LCORL: variants seen among roughly 807,000 people sequenced by gnomAD.
LCORL encodes ligand-dependent nuclear receptor corepressor-like protein.
A neutral mutation model predicts 141.8 loss-of-function variants in LCORL; 41 were observed. The observed-to-expected ratio is 0.29, with a 90% confidence interval of 0.23 to 0.38. The LOEUF (loss-of-function observed/expected upper bound fraction) is 0.38, where lower values mean the gene tolerates loss of function less well. LCORL is among the 10% of genes least tolerant of loss of function. The pLI is 1.00. For synonymous variants in LCORL, 618 were observed against 694.1 expected (o/e 0.89, Z 1.72); for missense variants, 1,759 against 2,035.0 (o/e 0.86, Z 2.61).
At chr4:17,882,846 C>T (rs1727757110) in intron 6 of LCORL, 1 of 983,732 alleles carries the variant, frequency 1.0e-6, no homozygotes. Flanking sequence ...TTTTTCTGTG[C>T]ACATTATAAA....
In LCORL at chr4:17,952,389, C is replaced by A. The variant is rs1036989659; in HGVS notation, c.430+9514G>T. On this transcript the variant is annotated intron_variant, in intron 4 of 7. Coordinates refer to ENST00000635767, the Ensembl canonical transcript of LCORL. Reference sequence around the variant, plus strand: ...AAATTATATAAAGATAAATAAAAAACCCATTTTCTTTCCCCTCAAAAACAA... The same window carrying A: ...AAATTATATAAAGATAAATAAAAAAACCATTTTCTTTCCCCTCAAAAACAA... 2.6e-5 allele frequency among the ~76,000 whole-genome samples: 4 copies of A among 151,700 alleles called. No homozygotes were observed. In the South Asian group the frequency reaches 6.3e-4, roughly 24 times the overall value.
intron 4 of LCORL, among the ~76,000 whole-genome samples, chr4:17,942,282 T>C (rs764763212): frequency 1.3e-5 from 2 of 152,188 alleles, no homozygotes; most frequent in Non-Finnish European, 2.9e-5. Context: ...TGGACTACTA[T>C]AGGATTTAAA....
intron 4 of LCORL, chr4:17,912,256 A>G (rs35921582): frequency 0.14 from 101,163 of 711,708 alleles, 8,345 homozygotes; most frequent in South Asian, 0.25. Context: ...GGGCTCCTGC[A>G]AGGTCACTGA....
At chr4:17,883,592 C>A in intron 6 of LCORL, 3 of 1,361,760 alleles carry the variant, frequency 2.2e-6, no homozygotes, top group Non-Finnish European at 2.8e-6. Flanking sequence ...TTTCATGTCT[C>A]CTGTCAGAGT....
intron 1 of LCORL, among the ~76,000 whole-genome samples, chr4:17,995,982 AT>A (rs1560459327): frequency 6.6e-6 from 1 of 152,142 alleles, no homozygotes; most frequent in Non-Finnish European, 1.5e-5. Context: ...AAATTTAATT[AT>A]TTCATGAAAA....
At chr4:17,842,174 GCT>G (rs1722473790) in exon 8 of LCORL, 9 of 648,142 alleles carry the variant, frequency 1.4e-5, no homozygotes, top group Admixed American at 2.8e-5. Context: ...TACCAAGATG[GCT>G]AGAACAAGTA....
At chr4:18,001,880 A>T (rs534958637) in intron 1 of LCORL, among the ~76,000 whole-genome samples, 8 of 152,338 alleles carry the variant, frequency 5.3e-5, no homozygotes, top group African/African-American at 1.9e-4. Context: ...GAATCATTAT[A>T]CTTGTTACTA....
At chr4:17,956,034 G>A (rs60194501) in intron 4 of LCORL, among the ~76,000 whole-genome samples, 11,369 of 152,066 alleles carry the variant, frequency 0.075, 1,457 homozygotes, top group African/African-American at 0.26. Context: ...CACACCAATG[G>A]ACAACAGGCA....
At chr4:17,957,135 T>A (rs1712811002) in intron 4 of LCORL, among the ~76,000 whole-genome samples, 1 of 151,860 alleles carries the variant, frequency 6.6e-6, no homozygotes, top group African/African-American at 2.4e-5. Context: ...TACATAGAAT[T>A]TGAAGTCAAC....
intron 4 of LCORL, among the ~76,000 whole-genome samples, chr4:17,918,972 CAAGT>C (rs1455232677): frequency 1.3e-5 from 2 of 151,722 alleles, no homozygotes; most frequent in Non-Finnish European, 2.9e-5. Flanking sequence ...AAAGTCATCA[CAAGT>C]AAGGGACTAA....
intron 1 of LCORL, among the ~76,000 whole-genome samples, chr4:18,009,032 G>T (rs1044535150): frequency 6.6e-6 from 1 of 152,060 alleles, no homozygotes; most frequent in Admixed American, 6.6e-5. Context: ...GAAATTAACG[G>T]TAATACACTA....
intron 4 of LCORL, among the ~76,000 whole-genome samples, chr4:17,947,131 T>C (rs889762090): frequency 6.6e-6 from 1 of 151,926 alleles, no homozygotes; most frequent in Non-Finnish European, 1.5e-5. Context: ...CGCAGATGAA[T>C]CTGAAAAAAG....
intron 4 of LCORL, among the ~76,000 whole-genome samples, chr4:17,924,129 T>C (rs1324445464): frequency 3.3e-5 from 5 of 152,076 alleles, no homozygotes; most frequent in Non-Finnish European, 5.9e-5. Flanking sequence ...GACAAAGAAA[T>C]TTGGGAAAGA....
At position 17,886,164 on chromosome 4, in the gene LCORL, A is replaced by G; in HGVS notation, c.683-3T>C. On this transcript the variant is annotated splice_region_variant and splice_polypyrimidine_tract_variant and intron_variant, in intron 5 of 7. Coordinates refer to ENST00000635767, the Ensembl canonical transcript of LCORL. ...AGAGAGATCTAACACTCCATCCCCTATAATTTTTGCAAGAGAAAAAACTTT... is the reference window on the plus strand; with the variant it reads ...AGAGAGATCTAACACTCCATCCCCTGTAATTTTTGCAAGAGAAAAAACTTT... 6.5e-7 allele frequency: 1 copy of G among 1,538,536 alleles called. No individual in the cohort carries two copies.
At chr4:17,998,513 G>A (rs920931866) in intron 1 of LCORL, among the ~76,000 whole-genome samples, 4 of 151,868 alleles carry the variant, frequency 2.6e-5, no homozygotes, top group Non-Finnish European at 4.4e-5. Context: ...CATACACAGA[G>A]TAAGGATCAT....
intron 4 of LCORL, among the ~76,000 whole-genome samples, chr4:17,916,670 A>G (rs1013072602): frequency 8.6e-6 from 1 of 116,050 alleles, no homozygotes; most frequent in African/African-American, 3.2e-5. Context: ...TTTTTTTTAG[A>G]TAGTGTCCCC....
At chr4:17,873,294 A>T in intron 7 of LCORL, 94 bp downstream of exon 7, 2 of 816,248 alleles carry the variant, frequency 2.5e-6, no homozygotes, top group Middle Eastern at 2.5e-4. Context: ...TTTGGAAACT[A>T]ATTAAAACTG....
At chr4:17,876,106 G>A (rs1158245609) in exon 7 of LCORL, 1 of 1,230,562 alleles carries the variant, frequency 8.1e-7, no homozygotes, top group Non-Finnish European at 1.0e-6. Context: ...AAAAACATGA[G>A]TTTGATAGGA....
intron 1 of LCORL, among the ~76,000 whole-genome samples, chr4:17,975,459 G>T (rs1167431887): frequency 6.6e-6 from 1 of 151,606 alleles, no homozygotes; most frequent in Non-Finnish European, 1.5e-5. Flanking sequence ...GCAGTGGCGT[G>T]ATCTCGGCTC....
Sources: gnomAD v4.1 joint callset for allele counts (sites outside exome capture counted in the v4.1 genomes callset) on GRCh38, gnomAD v4.1.1 for gene constraint, MANE v1.5 for transcripts, NCBI Gene and HGNC (gene_info 2026-07-23, HGNC 2026-07-21) for gene names.